The following ZSCAN18 variants were observed in gnomAD, a reference collection of about 807,000 sequenced individuals.
ZSCAN18 encodes zinc finger and SCAN domain containing 18.
In ZSCAN18, 16 loss-of-function variants were observed where a neutral mutation model predicts 31.1. The observed-to-expected ratio is 0.51, with a 90% CI of 0.35 to 0.78. The LOEUF (loss-of-function observed/expected upper bound fraction) is 0.78, where lower values mean the gene tolerates loss of function less well. ZSCAN18 is among the 30% of genes least tolerant of loss of function. The pLI is 0.01. For synonymous variants in ZSCAN18, 375 were observed against 320.7 expected (o/e 1.17, Z -1.81); for missense variants, 731 against 697.4 (o/e 1.05, Z -0.54).
At chr19:58,108,038 G>A in intron 1 of ZSCAN18, 1 of 1,012,880 alleles carries the variant, frequency 9.9e-7, no homozygotes, top group Non-Finnish European at 1.2e-6. Flanking sequence ...ATCCTCTTGT[G>A]CCTGATGAGG....
intron 1 of ZSCAN18, among the ~76,000 whole-genome samples, chr19:58,117,812 G>C (rs2074743835): frequency 6.6e-6 from 1 of 151,856 alleles, no homozygotes; most frequent in Non-Finnish European, 1.5e-5. Context: ...TAGAGGAAGA[G>C]AAATGAGCCC....
In ZSCAN18 at chr19:58,085,213, C is replaced by A; in HGVS notation, c.1005G>T (p.Pro335=). ...CGGACTCCGCGTCCTGGGGGTCCTGCGGGTCCGGGGCCTTCCCAGGCTGCT... is the reference window on the plus strand; with the variant it reads ...CGGACTCCGCGTCCTGGGGGTCCTGAGGGTCCGGGGCCTTCCCAGGCTGCT... The part of the protein sequence containing the change: ...EEEQPGKAPD[P]QDPQDAESDS... The change falls in exon 7 of 7, where the codon CCG becomes CCT. Residue 335 remains proline, a synonymous_variant. Coordinates refer to ENST00000601144, the MANE Select transcript of ZSCAN18 (RefSeq NM_001145543.2). The A allele has an allele frequency of 6.2e-7, 1 of 1,608,828 alleles. No homozygotes were observed. The highest frequency in any genetic ancestry group is 8.5e-7 in the Non-Finnish European group (1 of 1,179,336).
chr19:58,088,285 C>T (rs2074326254), intron 3 of ZSCAN18: 1 of 160,392 alleles, frequency 6.2e-6, no homozygotes, highest in Non-Finnish European at 1.4e-5. Context: ...ACCCCTCGAA[C>T]AGCAAGCACT....
At position 58,084,638 on chromosome 19, in the gene ZSCAN18, T is replaced by C; in HGVS notation, c.*47A>G. On this transcript the variant is annotated 3_prime_UTR_variant, in exon 7 of 7. Transcript: ENST00000601144. This position sits in a 1 kb window ranked among gnomAD's most constrained non-coding sequence, Gnocchi z 4.5. ...GAAAGGCCCAATGCCTCGTCTGGGA[T>C]TCACGGCCGGCAAAGCGGCCCCTCC... The C allele has an allele frequency of 3.5e-6, 5 of 1,425,866 alleles. No homozygotes were observed. The highest frequency in any genetic ancestry group is 4.6e-6 in the Non-Finnish European group (5 of 1,092,516). The allele number at this position is 1,425,866 out of a possible 1,614,324, so 88.3% of individuals were successfully genotyped here.
rs140351137 is a variant in ZSCAN18 at position 58,094,876 on chromosome 19, G to A, written c.-120+3298C>T. ...CTGGGTAACAGAGTGAGACCCTGTC[G>A]CAAAAAAAAAAAAAAAAAAAAAAAA... On this transcript the variant is annotated intron_variant, in intron 1 of 6. Coordinates refer to ENST00000601144, the MANE Select transcript of ZSCAN18 (RefSeq NM_001145543.2). Among the ~76,000 whole-genome samples the A allele has an allele frequency of 1.4e-3, 58 of 41,864 alleles. 1 individual carries two copies. Among genetic ancestry groups the A allele is most frequent in the African/African-American group, 6.8e-3 (56 of 8,272 alleles). 27.5% of individuals were successfully genotyped at this position (41,864 alleles called of 152,430 possible).
rs189922916 is a variant in ZSCAN18 at position 58,094,016 on chromosome 19, C to T, written c.-119-3630G>A. 2.6e-4 allele frequency among the ~76,000 whole-genome samples: 39 copies of T among 152,072 alleles called. No homozygotes were observed. In the East Asian group the frequency reaches 6.4e-3, roughly 25 times the overall value. On this transcript the variant is annotated intron_variant, in intron 1 of 6. Transcript: ENST00000601144. ...CTGACCTCAAGTGATCCACCCGCCT[C>T]GGCCTCCCAAAGTGCCAGGATTACA...
At chr19:58,094,090 C>T (rs1431709222) in intron 1 of ZSCAN18, among the ~76,000 whole-genome samples, 2 of 151,852 alleles carry the variant, frequency 1.3e-5, no homozygotes, top group African/African-American at 2.4e-5. Context: ...AATTGGACTT[C>T]GGAGTTCAGA....
At chr19:58,094,058 G>C (rs2074470640) in intron 1 of ZSCAN18, among the ~76,000 whole-genome samples, 1 of 151,866 alleles carries the variant, frequency 6.6e-6, no homozygotes, top group African/African-American at 2.4e-5. Context: ...AGCCACTGCA[G>C]CCAGCCTTCA....
chr19:58,086,208 C>A lies in ZSCAN18; in HGVS notation c.804G>T (p.Leu268Phe). The change falls in exon 6 of 7, where the codon TTG becomes TTT. Residue 268 changes from leucine (L) to phenylalanine (F), a missense_variant. Transcript: ENST00000601144. ...TGCTTCCTTGTGGATCTCTTTCCAC[C>A]AACCGGAGTTCCTCAGTGTCCAGCC... The part of the protein sequence containing the change: ...ASRLDTEELR[L>F]VERDPQGSSL... 1 of 1,614,046 alleles carries A rather than the reference C, an allele frequency of 6.2e-7. No individual in the cohort carries two copies. Among genetic ancestry groups the A allele is most frequent in the Non-Finnish European group, 8.5e-7 (1 of 1,179,980 alleles).
At chr19:58,087,274 C>T in intron 4 of ZSCAN18, 42 bp downstream of exon 4, 2 of 1,554,712 alleles carry the variant, frequency 1.3e-6, no homozygotes, top group Non-Finnish European at 1.7e-6. Context: ...TGCCTCTAAG[C>T]TGAGGCCAAG....
chr19:58,088,610 C>T (rs2074334014), intron 3 of ZSCAN18, 78 bp downstream of exon 3: 2 of 1,509,262 alleles, frequency 1.3e-6, no homozygotes, highest in Non-Finnish European at 1.8e-6. Context: ...TGCCCTTCTG[C>T]CCTCTCCCAA....
chr19:58,090,318 G>A lies in ZSCAN18; in HGVS notation c.-51C>T, dbSNP rs374988240. ...TGACTGTCTAGCCAGGGACAAGGTGGCTCCAAAGGAGAGGTGCCAGGGATG... is the reference window on the plus strand; with the variant it reads ...TGACTGTCTAGCCAGGGACAAGGTGACTCCAAAGGAGAGGTGCCAGGGATG... On this transcript the variant is annotated 5_prime_UTR_variant, in exon 2 of 7. Coordinates refer to ENST00000601144, the MANE Select transcript of ZSCAN18 (RefSeq NM_001145543.2). This position sits in a 1 kb window ranked among gnomAD's most constrained non-coding sequence, Gnocchi z 4.7. 9.9e-6 allele frequency: 16 copies of A among 1,612,378 alleles called. No individual in the cohort carries two copies. In the African/African-American group the frequency reaches 1.9e-4, roughly 19 times the overall value.
upstream of ZSCAN18, chr19:58,098,232 G>A: frequency 1.0e-6 from 1 of 985,476 alleles, no homozygotes; most frequent in Non-Finnish European, 1.2e-6. Flanking sequence ...GCGCGATGGC[G>A]GCCGGCAAAC....
Position 58,106,566 on chromosome 19 carries a change from T to TAGTGGCGGGCGC in ZSCAN18, c.130+11689_130+11700dup, listed in dbSNP as rs1479446683. Among the ~76,000 whole-genome samples the TAGTGGCGGGCGC allele has an allele frequency of 4.7e-5, 2 of 42,820 alleles. 1 individual carries two copies. Among genetic ancestry groups the TAGTGGCGGGCGC allele is most frequent in the Non-Finnish European group, 1.4e-4 (2 of 14,392 alleles). 28.1% of individuals were successfully genotyped at this position (42,820 alleles called of 152,430 possible). A position where few individuals can be genotyped will look rare whatever the true frequency, so the allele number is the denominator to read the frequency against. On this transcript the variant is annotated intron_variant, in intron 1 of 1. Transcript: ENST00000595721. ...AAATACAAAAAAAATTAGCCGGGCG[T>TAGTGGCGGGCGC]AGTGGCGGGCGCCTGTAGTCCCAGC...
chr19:58,100,679 G>A (rs979582544), upstream of ZSCAN18, among the ~76,000 whole-genome samples: 2 of 70,138 alleles, frequency 2.9e-5, no homozygotes, highest in Non-Finnish European at 8.1e-5. Context: ...GGAGGCCAGC[G>A]GGCGGATCAC....
At chr19:58,104,865 G>A (rs1174552692) in intron 1 of ZSCAN18, among the ~76,000 whole-genome samples, 1 of 152,206 alleles carries the variant, frequency 6.6e-6, no homozygotes. Flanking sequence ...TCCAGATTTA[G>A]CTAAGATCAC....
Position 58,085,310 on chromosome 19 carries a change from T to C in ZSCAN18, c.908A>G (p.Glu303Gly). Residue 303 changes from glutamate (E) to glycine (G), a missense_variant, in exon 7 of 7, where the codon GAG (glutamate) becomes GGG (glycine). Coordinates refer to ENST00000601144, the MANE Select transcript of ZSCAN18 (RefSeq NM_001145543.2). ...EEAAPAGVLP[E>G]LPTEAPPGDA... is the part of the protein sequence containing the mutation. ...CCCAGGGGGCGCCTCCGTAGGCAGC[T>C]CAGGCAGCACCCCCGCGGGGGCGGC... The C allele has an allele frequency of 6.3e-7, 1 of 1,598,398 alleles. No individual in the cohort carries two copies. The highest frequency in any genetic ancestry group is 1.7e-4 in the Middle Eastern group (1 of 5,792).
intron 1 of ZSCAN18, among the ~76,000 whole-genome samples, chr19:58,117,868 G>T (rs1267950886): frequency 6.6e-6 from 1 of 152,156 alleles, no homozygotes; most frequent in East Asian, 1.9e-4. Context: ...GAGTTAGAGG[G>T]TCCGTGCTCC....
At chr19:58,087,509 T>G in intron 3 of ZSCAN18, 105 bp from the exon 4 acceptor site, 3 of 971,172 alleles carry the variant, frequency 3.1e-6, no homozygotes, top group Non-Finnish European at 3.1e-6. Flanking sequence ...CCAGTGTGCT[T>G]CTGTGACAGC....
Sources: gnomAD v4.1 joint callset for allele counts (sites outside exome capture counted in the v4.1 genomes callset) on GRCh38, gnomAD v4.1.1 for gene constraint, Gnocchi (gnomAD v3.1) non-coding constraint, MANE v1.5 for transcripts, NCBI Gene and HGNC (gene_info 2026-07-23, HGNC 2026-07-21) for gene names.